The following TADA2A variants were observed in gnomAD, a reference collection of about 807,000 sequenced individuals.
The protein encoded by TADA2A is transcriptional adaptor 2A, also known as transcriptional adapter 2-alpha.
A neutral mutation model predicts 67.4 loss-of-function variants in TADA2A; 38 were observed. The ratio of observed to expected loss-of-function variants is 0.56; its 90% confidence interval spans 0.44 to 0.74. TADA2A has a LOEUF of 0.74. Among genes scored for constraint, TADA2A ranks in the 30% least tolerant of loss-of-function variants. The probability of loss-of-function intolerance (pLI) is 0.00; values close to 1 mark genes in which losing one functional copy is unlikely to be tolerated. For missense variants in TADA2A, 454 were observed against 547.0 expected (o/e 0.83, Z 1.70); for synonymous variants, 192 against 181.6 (o/e 1.06, Z -0.46).
chr17:37,476,031 C>A (rs899078068), intron 15 of TADA2A, among the ~76,000 whole-genome samples: 1 of 152,138 alleles, frequency 6.6e-6, no homozygotes, highest in Non-Finnish European at 1.5e-5. Flanking sequence ...AAGGAAGGGT[C>A]ATAGTGTAGG....
intron 10 of TADA2A, among the ~76,000 whole-genome samples, chr17:37,464,766 G>A (rs1457315152): frequency 2.0e-5 from 3 of 150,676 alleles, no homozygotes; most frequent in Non-Finnish European, 4.4e-5. Context: ...TGAACCTGGG[G>A]AGGCAGAGGT....
At chr17:37,467,549 C>T (rs780390415) in intron 12 of TADA2A, 24 bp downstream of exon 12, 18 of 1,582,682 alleles carry the variant, frequency 1.1e-5, no homozygotes, top group Non-Finnish European at 1.6e-5. Flanking sequence ...AGCTACATAC[C>T]GTACTTGAGG....
intron 2 of TADA2A, among the ~76,000 whole-genome samples, chr17:37,422,484 T>TGATGATGATGATGATGATGATG (rs2052270998): frequency 1.2e-5 from 1 of 85,660 alleles, no homozygotes; most frequent in Middle Eastern, 5.2e-3. Flanking sequence ...CCCAGCTGAT[T>TGATGATGATGATGATGATGATG]ATTATTATTA....
At chr17:37,422,730 G>A (rs2052283621) in intron 2 of TADA2A, among the ~76,000 whole-genome samples, 1 of 151,608 alleles carries the variant, frequency 6.6e-6, no homozygotes, top group African/African-American at 2.4e-5. Context: ...TCAAACTTCT[G>A]GCCTCAGGTA....
chr17:37,439,225 C>T (rs1228080735), intron 5 of TADA2A, among the ~76,000 whole-genome samples: 1 of 151,966 alleles, frequency 6.6e-6, no homozygotes, highest in African/African-American at 2.4e-5. Context: ...CCTCAGACTC[C>T]CAAGTAGTTG....
chr17:37,422,481 G>GATGATT lies in TADA2A; in HGVS notation c.26-1026_26-1025insGATTAT, dbSNP rs1296355161. On this transcript the variant is annotated intron_variant, in intron 2 of 15. Transcript: ENST00000615182. ...CAGGCGTGAGCCACCATGCCCAGCT[G>GATGATT]ATTATTATTATTATTATTATTATTA... is the stretch of plus-strand genomic sequence containing the variant. Among the ~76,000 whole-genome samples, 402 of 136,988 alleles carry GATGATT rather than the reference G, an allele frequency of 2.9e-3. 1 individual carries two copies. Among genetic ancestry groups the GATGATT allele is most frequent in the African/African-American group, 0.01 (373 of 36,638 alleles). 89.9% of individuals were successfully genotyped at this position (136,988 alleles called of 152,430 possible).
At chr17:37,437,409 CAG>C (rs1459832545) in intron 4 of TADA2A, among the ~76,000 whole-genome samples, 1 of 151,174 alleles carries the variant, frequency 6.6e-6, no homozygotes, top group Non-Finnish European at 1.5e-5. Context: ...ATTTTTGAGA[CAG>C]AGTCTTGTTG....
rs901020285 is a variant in TADA2A, at chr17:37,478,966, A to T, written c.*1984A>T. ...TCGTAGAAAACATTTTACCACTACC[A>T]TCACCCCTAGTTGGTTGTGAAGTGA... On this transcript the variant is annotated 3_prime_UTR_variant, in exon 16 of 16. Transcript: ENST00000615182. 9.8e-5 allele frequency: 15 copies of T among 152,324 alleles called. No individual in the cohort carries two copies. The highest frequency in any genetic ancestry group is 5.9e-4 in the Admixed American group (9 of 15,296). 9.4% of individuals were successfully genotyped at this position (152,324 alleles called of 1,614,324 possible). A position where few individuals can be genotyped will look rare whatever the true frequency, so the allele number is the denominator to read the frequency against.
intron 14 of TADA2A, among the ~76,000 whole-genome samples, chr17:37,472,884 TA>T (rs1339960582): frequency 1.4e-5 from 2 of 147,712 alleles, no homozygotes; most frequent in African/African-American, 5.1e-5. Context: ...ATTAATTAAT[TA>T]AATTAAATGA....
At chr17:37,441,630 G>GTTT in intron 6 of TADA2A, among the ~76,000 whole-genome samples, 1 of 149,652 alleles carries the variant, frequency 6.7e-6, no homozygotes, top group Non-Finnish European at 1.5e-5. Context: ...TCTAGAAACA[G>GTTT]TTTTATAGCT....
intron 4 of TADA2A, among the ~76,000 whole-genome samples, chr17:37,430,415 A>G (rs1473732479): frequency 6.6e-6 from 1 of 152,152 alleles, no homozygotes. Context: ...ATAACTTTAA[A>G]TGGTTTTCAG....
chr17:37,452,129 C>A lies in TADA2A; in HGVS notation c.605-6395C>A, dbSNP rs540797733. Among the ~76,000 whole-genome samples, 8 of 152,112 alleles carry A rather than the reference C, an allele frequency of 5.3e-5. No individual in the cohort carries two copies. The South Asian group carries it at 1.7e-3, about 32-fold the overall frequency. ...ATAAAGATCTTGAAATATGGCCAGGCGCGATGGCTCACACCTGTATTCCCA... is the reference window on the plus strand; with the variant it reads ...ATAAAGATCTTGAAATATGGCCAGGAGCGATGGCTCACACCTGTATTCCCA... On this transcript the variant is annotated intron_variant, in intron 8 of 15. Transcript: ENST00000615182.
At chr17:37,442,198 CTTTTTTTTTTT>C (rs760306260) in intron 6 of TADA2A, among the ~76,000 whole-genome samples, 43 of 75,396 alleles carry the variant, frequency 5.7e-4, no homozygotes, top group Middle Eastern at 0.017. Flanking sequence ...TTTTTCCCGT[CTTTTTTTTTTT>C]TTTTTTTTTT....
intron 8 of TADA2A, 111 bp downstream of exon 8, chr17:37,444,879 T>C: frequency 9.9e-7 from 1 of 1,006,134 alleles, no homozygotes; most frequent in Admixed American, 2.3e-5. Flanking sequence ...CTTATAGAAT[T>C]CAGAAATCTA....
At chr17:37,438,698 C>T (rs1470891822) in intron 5 of TADA2A, among the ~76,000 whole-genome samples, 1 of 152,172 alleles carries the variant, frequency 6.6e-6, no homozygotes, top group Non-Finnish European at 1.5e-5. Context: ...TCATAAAATA[C>T]TGTGTACAAT....
chr17:37,429,527 C>G (rs1489480011), intron 4 of TADA2A, among the ~76,000 whole-genome samples: 1 of 152,042 alleles, frequency 6.6e-6, no homozygotes, highest in East Asian at 1.9e-4. Flanking sequence ...AGTTATCCTT[C>G]CACCTAGGCC....
chr17:37,465,147 CAAA>C (rs112540084), intron 10 of TADA2A, among the ~76,000 whole-genome samples: 1 of 133,486 alleles, frequency 7.5e-6, no homozygotes, highest in Non-Finnish European at 1.6e-5. Context: ...GACTCCATCT[CAAA>C]AAAAAAAAAG....
intron 12 of TADA2A, among the ~76,000 whole-genome samples, chr17:37,470,062 A>C (rs1474226469): frequency 6.6e-6 from 1 of 152,218 alleles, no homozygotes; most frequent in Non-Finnish European, 1.5e-5. Context: ...AATAGAAAAA[A>C]CAGGAAGCAA....
chr17:37,448,375 A>G (rs17138737), intron 8 of TADA2A, among the ~76,000 whole-genome samples: 1,936 of 152,328 alleles, frequency 0.013, 38 homozygotes, highest in African/African-American at 0.044. Flanking sequence ...TGTATTTCAA[A>G]TGTATACTGC....
Sources: allele counts gnomAD v4.1 joint callset (sites outside exome capture counted in the v4.1 genomes callset), GRCh38; gene constraint gnomAD v4.1.1; transcripts MANE v1.5; gene names NCBI Gene and HGNC (gene_info 2026-07-23, HGNC 2026-07-21).